Variants in KIF21B observed in about 807,000 individuals in gnomAD.
The protein encoded by KIF21B is kinesin-like protein KIF21B.
KIF21B carries 85 observed loss-of-function variants against 192.9 expected under a neutral mutation model. That is an observed-to-expected ratio of 0.44 (90% CI 0.37 to 0.53). The LOEUF (loss-of-function observed/expected upper bound fraction) is 0.53. Ranked by LOEUF, KIF21B falls within the 20% of genes least tolerant of loss-of-function variation. The probability of loss-of-function intolerance (pLI) is 0.00; values close to 1 mark genes in which losing one functional copy is unlikely to be tolerated. For missense variants in KIF21B, 1,716 were observed against 2,194.8 expected, an observed-to-expected ratio of 0.78 and a Z score of 4.36; for synonymous variants, 832 against 884.6, an observed-to-expected ratio of 0.94 and a Z score of 1.05.
At chr1:200,978,381 T>C (rs1655704824) in intron 30 of KIF21B, among the ~76,000 whole-genome samples, 1 of 152,126 alleles carries the variant, frequency 6.6e-6, no homozygotes, top group South Asian at 2.1e-4. Flanking sequence ...ACTTTATTTT[T>C]TTTTTTAAGG....
intron 26 of KIF21B, 114 bp downstream of exon 26, chr1:200,986,730 G>A (rs1656328013): frequency 1.1e-6 from 1 of 925,238 alleles, no homozygotes; most frequent in Non-Finnish European, 1.7e-6. Flanking sequence ...AGTCAAGCTG[G>A]CCCAGGTTAC....
chr1:200,985,355 G>T (rs550589934), intron 26 of KIF21B, among the ~76,000 whole-genome samples: 1 of 152,224 alleles, frequency 6.6e-6, no homozygotes, highest in South Asian at 2.1e-4. Context: ...GGGCATGGTG[G>T]TGCATGCCTG....
intron 3 of KIF21B, among the ~76,000 whole-genome samples, chr1:201,006,703 C>T (rs1462077775): frequency 2.6e-5 from 4 of 151,934 alleles, no homozygotes; most frequent in African/African-American, 9.7e-5. Context: ...TCCATGGCAA[C>T]AGGATAGGGA....
Position 200,984,837 on chromosome 1 carries a change from C to G in KIF21B, c.3803+22G>C, listed in dbSNP as rs758305183. 4 of 1,502,104 alleles carry G rather than the reference C, an allele frequency of 2.7e-6. No homozygotes were observed. In the South Asian group the frequency reaches 3.8e-5, roughly 14 times the overall value. The allele number at this position is 1,502,104 out of a possible 1,614,324, so 93.0% of individuals were successfully genotyped here. A position where few individuals can be genotyped will look rare whatever the true frequency, so the allele number is the denominator to read the frequency against. Reference sequence around the variant, plus strand: ...ATTGCCACCTCAGTGCCCTCCCCCACTTGCCCTCCAGCCCTGCTTACTTGT... The same window carrying G: ...ATTGCCACCTCAGTGCCCTCCCCCAGTTGCCCTCCAGCCCTGCTTACTTGT... On this transcript the variant is annotated intron_variant, in intron 27 of 34. Coordinates refer to ENST00000461742, the MANE Select transcript of KIF21B (RefSeq NM_001252102.2).
chr1:200,979,678 C>A lies in KIF21B; in HGVS notation c.4017G>T (p.Gln1339His). The change falls in exon 30 of 35, where the codon CAG (glutamine) becomes CAT (histidine). Residue 1339 changes from glutamine to histidine, a missense_variant. By Grantham distance (24) the Gln-to-His change is conservative. This residue lies in a region of KIF21B where 580 missense variants were observed against 775.5 expected (regional missense o/e 0.75). Transcript: ENST00000461742. ...GGTGGCCCTTTAGAGCTGCGATCTC[C>A]TGTCCCGTAACCAAGTTCCACATCT... ...SCKMWNLVTGQEIAALKGHPN... is the reference protein window; with the variant it reads ...SCKMWNLVTGHEIAALKGHPN... 1.3e-6 allele frequency: 2 copies of A among 1,566,218 alleles called. No individual in the cohort carries two copies. Among genetic ancestry groups the A allele is most frequent in the South Asian group, 1.2e-5 (1 of 85,278 alleles).
Position 201,000,491 on chromosome 1 carries a change from GC to G in KIF21B, c.1583del (p.Gly528AlafsTer13). The G allele has an allele frequency of 6.2e-7, 1 of 1,608,040 alleles. No individual in the cohort carries two copies. ...CATCCTCCATGGAGCTGGCAGGGCT[GC>G]CCCCGAAGGCCGGGGCGGCTGGAGA... The part of the protein sequence containing the change: ...GASPAAPAFG[G>X]SPASSMEDAS... On this transcript the variant is annotated frameshift_variant, in exon 11 of 35. Coordinates refer to ENST00000461742, the MANE Select transcript of KIF21B (RefSeq NM_001252102.2). LOFTEE classifies it high-confidence loss of function. The surrounding 1 kb of genome is among the most constrained non-coding windows in gnomAD (Gnocchi z 6.0).
intron 29 of KIF21B, 89 bp from the exon 30 acceptor site, chr1:200,979,804 A>C (rs559452777): frequency 8.8e-7 from 1 of 1,136,314 alleles, no homozygotes; most frequent in African/African-American, 1.6e-5. Flanking sequence ...TGCCCAGGAT[A>C]GGGGAAAGGG....
chr1:201,004,876 T>C lies in KIF21B; in HGVS notation c.790A>G (p.Thr264Ala). Residue 264 changes from threonine to alanine, a missense_variant, in exon 6 of 35, where the codon ACA (threonine) becomes GCA (alanine). Around this residue, in one of 3 missense-constraint regions of KIF21B, gnomAD observed 1,087 missense variants for 1,316.6 expected, o/e 0.83. Coordinates refer to ENST00000461742, the MANE Select transcript of KIF21B (RefSeq NM_001252102.2). ...DGTPPSSEYE[T>A]LTAKFHFVDL... ...ACAAAGTGAAACTTAGCAGTGAGTG[T>C]CTCATACTCACTCGAGGGAGGTGTA... The C allele has an allele frequency of 6.2e-7, 1 of 1,613,996 alleles. No homozygotes were observed. The highest frequency in any genetic ancestry group is 8.5e-7 in the Non-Finnish European group (1 of 1,179,928).
chr1:200,976,651 G>A, intron 32 of KIF21B, 125 bp downstream of exon 32: 2 of 559,878 alleles, frequency 3.6e-6, no homozygotes, highest in Non-Finnish European at 6.4e-6. Flanking sequence ...CTTCTTTGGG[G>A]TGATTTCTTC....
At chr1:201,007,329 C>G (rs1657926057) in intron 3 of KIF21B, among the ~76,000 whole-genome samples, 1 of 111,668 alleles carries the variant, frequency 9.0e-6, no homozygotes, top group Non-Finnish European at 1.8e-5. Context: ...GACACACAGA[C>G]ACACACACAG....
chr1:200,999,845 C>T lies in KIF21B; in HGVS notation c.1767+38G>A. The stretch of plus-strand genomic sequence containing the variant: ...CGCCAACCCCAGCAGGGACACAAGG[C>T]ATGCATGTGGTGAGGTGGGGCGGCC... On this transcript the variant is annotated intron_variant, in intron 12 of 34. Transcript: ENST00000461742. This position sits in a 1 kb window ranked among gnomAD's most constrained non-coding sequence, Gnocchi z 4.7. The T allele has an allele frequency of 6.2e-7, 1 of 1,604,314 alleles. No individual in the cohort carries two copies. Among genetic ancestry groups the T allele is most frequent in the Non-Finnish European group, 8.5e-7 (1 of 1,173,122 alleles).
chr1:200,986,257 C>T (rs1656292035), intron 26 of KIF21B, among the ~76,000 whole-genome samples: 1 of 152,166 alleles, frequency 6.6e-6, no homozygotes. Flanking sequence ...ATCCAAGCCA[C>T]TACAAAGCCA....
chr1:200,996,531 G>A (rs184603104), intron 14 of KIF21B, 136 bp from the exon 15 acceptor site: 42 of 725,972 alleles, frequency 5.8e-5, no homozygotes, highest in African/African-American at 3.7e-4. Flanking sequence ...ACCCCTCTCT[G>A]AGCCTGTTTC....
At chr1:200,993,628 T>C (rs932029821) in intron 15 of KIF21B, among the ~76,000 whole-genome samples, 4 of 152,060 alleles carry the variant, frequency 2.6e-5, no homozygotes, top group African/African-American at 7.2e-5. Context: ...TGTGTGCCCA[T>C]AGTCCCACCT....
At chr1:200,985,771 T>G in intron 26 of KIF21B, among the ~76,000 whole-genome samples, 1 of 50,724 alleles carries the variant, frequency 2.0e-5, no homozygotes, top group Non-Finnish European at 3.5e-5. Flanking sequence ...CCTCCCCCAC[T>G]CCCCTCCCCT....
chr1:200,979,803 T>G, intron 29 of KIF21B, 88 bp from the exon 30 acceptor site: 1 of 1,170,002 alleles, frequency 8.5e-7, no homozygotes, highest in South Asian at 1.8e-5. Flanking sequence ...CTGCCCAGGA[T>G]AGGGGAAAGG....
intron 15 of KIF21B, 24 bp downstream of exon 15, chr1:200,996,169 CCCA>C: frequency 6.2e-7 from 1 of 1,607,420 alleles, no homozygotes; most frequent in Non-Finnish European, 8.5e-7. Context: ...CACTCCAGGC[CCCA>C]CTCCTCACAC....
chr1:201,011,676 A>G (rs1162101956), intron 1 of KIF21B, among the ~76,000 whole-genome samples: 1 of 152,216 alleles, frequency 6.6e-6, no homozygotes, highest in Non-Finnish European at 1.5e-5. Flanking sequence ...AAGGCTAAGC[A>G]CTTCCTCTCA....
At chr1:200,984,604 C>T (rs779614701) in intron 27 of KIF21B, among the ~76,000 whole-genome samples, 6 of 152,238 alleles carry the variant, frequency 3.9e-5, no homozygotes, top group African/African-American at 1.2e-4. Context: ...CCTGACTGCC[C>T]GGCCCCAATC....
Sources: gnomAD v4.1 joint callset for allele counts (sites outside exome capture counted in the v4.1 genomes callset) on GRCh38, gnomAD v4.1.1 for gene constraint, gnomAD v4.1.1 regional missense constraint, Gnocchi (gnomAD v3.1) non-coding constraint, MANE v1.5 for transcripts, NCBI Gene and HGNC (gene_info 2026-07-23, HGNC 2026-07-21) for gene names.